C3orf49: variants seen among roughly 807,000 people sequenced by gnomAD.
The protein encoded by C3orf49 is putative uncharacterized protein C3orf49.
Under a neutral mutation model 13.3 loss-of-function variants are expected in C3orf49, and 27 were observed. That is an observed-to-expected ratio of 2.02 (90% CI 1.49 to 2.79). The LOEUF (loss-of-function observed/expected upper bound fraction) is 2.79. Among genes scored for constraint, C3orf49 ranks in the 30% most tolerant of loss-of-function variants. The probability of loss-of-function intolerance (pLI) is 0.00; values close to 1 mark genes in which losing one functional copy is unlikely to be tolerated. For missense variants in C3orf49, 242 were observed against 134.2 expected (o/e 1.80, Z -3.97); for synonymous variants, 87 against 47.6 (o/e 1.83, Z -3.40).
chr3:63,781,926 T>C, the C3orf49 span, among the ~76,000 whole-genome samples: 2 of 152,236 alleles, frequency 1.3e-5, no homozygotes, highest in African/African-American at 4.8e-5. Context: ...ATGGAAATTG[T>C]AAGACATTAG....
chr3:63,796,221 A>G, the C3orf49 span, among the ~76,000 whole-genome samples: 2 of 152,040 alleles, frequency 1.3e-5, no homozygotes, highest in African/African-American at 4.8e-5. Context: ...ATCATCTCTC[A>G]CCTGGACTGT....
At chr3:63,817,713 T>G (rs1448909751), upstream of C3orf49, among the ~76,000 whole-genome samples, 1 of 152,096 alleles carries the variant, frequency 6.6e-6, no homozygotes, top group Non-Finnish European at 1.5e-5. Context: ...CAGGACTCCT[T>G]TGGGAACCTA....
chr3:63,806,853 T>C, the C3orf49 span, among the ~76,000 whole-genome samples: 37 of 152,346 alleles, frequency 2.4e-4, no homozygotes, highest in African/African-American at 8.7e-4. Context: ...ATTTGACACA[T>C]TGTATTATAA....
chr3:63,805,647 T>A, the C3orf49 span, among the ~76,000 whole-genome samples: 1 of 152,244 alleles, frequency 6.6e-6, no homozygotes, highest in Non-Finnish European at 1.5e-5. Flanking sequence ...GCTTTGGGTC[T>A]GCATTTGTAT....
the C3orf49 span, among the ~76,000 whole-genome samples, chr3:63,800,406 G>A: frequency 6.6e-6 from 1 of 152,032 alleles, no homozygotes; most frequent in Non-Finnish European, 1.5e-5. Flanking sequence ...GTGAATTTCA[G>A]ATAAAACTTA....
At chr3:63,783,525 TACAC>T in the C3orf49 span, among the ~76,000 whole-genome samples, 21,928 of 131,856 alleles carry the variant, frequency 0.17, 1,866 homozygotes, top group Middle Eastern at 0.28. Flanking sequence ...TACTAAAAAT[TACAC>T]ACACACACAC....
chr3:63,827,864 G>C (rs1701484905), intron 3 of C3orf49, 139 bp downstream of exon 3: 1 of 568,360 alleles, frequency 1.8e-6, no homozygotes, highest in Non-Finnish European at 3.1e-6. Flanking sequence ...TCCTCTCCAA[G>C]AATTTAGGGT....
upstream of C3orf49, among the ~76,000 whole-genome samples, chr3:63,815,387 G>A (rs1180509889): frequency 6.6e-6 from 1 of 152,126 alleles, no homozygotes; most frequent in Non-Finnish European, 1.5e-5. Flanking sequence ...CCTGGACCAA[G>A]TGCCTACCTA....
At chr3:63,827,349 G>A (rs1701476409) in intron 2 of C3orf49, 1 of 320,206 alleles carries the variant, frequency 3.1e-6, no homozygotes, top group African/African-American at 2.1e-5. Flanking sequence ...CTCGAAGAGA[G>A]AGAGAGGTGG....
the C3orf49 span, chr3:63,783,089 A>G: frequency 7.2e-5 from 11 of 151,900 alleles, no homozygotes; most frequent in Non-Finnish European, 1.5e-4. Flanking sequence ...TGGGTGGTCA[A>G]CTCTCCCAAT....
In C3orf49 at chr3:63,819,547, C is replaced by T. The variant is rs1448505766; in HGVS notation, c.76C>T (p.Gln26Ter). ...AAAAGTTGGACAGTGCCGAAGATTC[C>T]AGCAACTCAAGAAGAAAAATGGCTC... ...YRKVGQCRRFQQLKKKNGSFK... is the reference protein window; with the variant it reads ...YRKVGQCRRF Residue 26 changes from glutamine to a stop codon, truncating the protein, a stop_gained, in exon 1 of 7, where the codon CAG becomes TAG. Transcript: ENST00000295896. LOFTEE classifies it high-confidence loss of function. The T allele has an allele frequency of 5.7e-6, 4 of 703,166 alleles. No individual in the cohort carries two copies. Among genetic ancestry groups the T allele is most frequent in the Non-Finnish European group, 1.0e-5 (4 of 385,044 alleles). The allele number at this position is 703,166 out of a possible 1,614,324, so 43.6% of individuals were successfully genotyped here.
intron 6 of C3orf49, among the ~76,000 whole-genome samples, chr3:63,847,028 G>A (rs1285830560): frequency 2.0e-5 from 3 of 152,096 alleles, no homozygotes; most frequent in Admixed American, 2.0e-4. Context: ...AAATTCACTA[G>A]TAGGAGGGCT....
the C3orf49 span, among the ~76,000 whole-genome samples, chr3:63,788,281 C>T: frequency 6.6e-6 from 1 of 152,290 alleles, no homozygotes; most frequent in South Asian, 2.1e-4. Flanking sequence ...GAATACATAA[C>T]TAGTGAGTGG....
At chr3:63,819,783 G>T (rs1000921754) in intron 1 of C3orf49, among the ~76,000 whole-genome samples, 187 bp downstream of exon 1, 1 of 152,042 alleles carries the variant, frequency 6.6e-6, no homozygotes, top group African/African-American at 2.4e-5. Context: ...CATCTTAATT[G>T]TAACAGGGAA....
At chr3:63,791,867 G>GT in the C3orf49 span, among the ~76,000 whole-genome samples, 1 of 152,004 alleles carries the variant, frequency 6.6e-6, no homozygotes, top group African/African-American at 2.4e-5. Flanking sequence ...TTTTTTGTTG[G>GT]TTTTGTCTTG....
chr3:63,846,107 G>A, intron 6 of C3orf49: 1 of 365,320 alleles, frequency 2.7e-6, no homozygotes, highest in South Asian at 2.0e-5. Flanking sequence ...CCCTTACCAA[G>A]GATGGTAAAA....
the C3orf49 span, among the ~76,000 whole-genome samples, chr3:63,802,317 CT>C: frequency 1.3e-5 from 2 of 152,168 alleles, no homozygotes; most frequent in African/African-American, 4.8e-5. Flanking sequence ...CTCAATCAGT[CT>C]TTTGCAAAAC....
chr3:63,828,206 A>G (rs973207051), intron 3 of C3orf49, among the ~76,000 whole-genome samples: 1 of 152,242 alleles, frequency 6.6e-6, no homozygotes, highest in African/African-American at 2.4e-5. Flanking sequence ...AAATGTAAAT[A>G]GCCATATGTA....
chr3:63,846,426 A>T (rs832186), intron 6 of C3orf49, among the ~76,000 whole-genome samples: 2 of 151,910 alleles, frequency 1.3e-5, no homozygotes. Context: ...TATTTTTTTT[A>T]GACGGAGTTT....
Sources: allele counts gnomAD v4.1 joint callset (sites outside exome capture counted in the v4.1 genomes callset), GRCh38; gene constraint gnomAD v4.1.1; transcripts MANE v1.5; gene names NCBI Gene and HGNC (gene_info 2026-07-23, HGNC 2026-07-21).